Variants in SLC2A13 observed in about 807,000 individuals in gnomAD.
SLC2A13 encodes solute carrier family 2 member 13.
In SLC2A13, 32 loss-of-function variants were observed where a neutral mutation model predicts 64.4. The ratio of observed to expected loss-of-function variants is 0.50; its 90% CI spans 0.37 to 0.67. The LOEUF is 0.67. Among genes scored for constraint, SLC2A13 ranks in the 30% least tolerant of loss-of-function variants. SLC2A13 has a pLI of 0.00. For synonymous variants in SLC2A13, 338 were observed against 327.1 expected, an observed-to-expected ratio of 1.03 and a Z score of -0.36; for missense variants, 743 against 829.2, an observed-to-expected ratio of 0.90 and a Z score of 1.28.
At chr12:39,813,042 A>G (rs1942236161) in intron 7 of SLC2A13, among the ~76,000 whole-genome samples, 5 of 80,606 alleles carry the variant, frequency 6.2e-5, no homozygotes, top group African/African-American at 1.9e-4. Context: ...ATGGGGTTTC[A>G]CCATGTTGGC....
At chr12:39,897,395 T>C (rs1197997885) in intron 4 of SLC2A13, among the ~76,000 whole-genome samples, 1 of 152,142 alleles carries the variant, frequency 6.6e-6, no homozygotes, top group Non-Finnish European at 1.5e-5. Context: ...AATTCCCAAC[T>C]GCCTACCCCA....
chr12:39,865,751 T>C (rs369942820), intron 5 of SLC2A13, among the ~76,000 whole-genome samples: 46 of 152,200 alleles, frequency 3.0e-4, no homozygotes, highest in African/African-American at 1.0e-3. Context: ...CTGGAGGCCA[T>C]GATCTTTAGC....
intron 6 of SLC2A13, among the ~76,000 whole-genome samples, chr12:39,842,342 G>T (rs1943199208): frequency 6.6e-6 from 1 of 151,968 alleles, no homozygotes; most frequent in East Asian, 1.9e-4. Context: ...AGCTTGGAAA[G>T]CTAAGAGACT....
intron 4 of SLC2A13, among the ~76,000 whole-genome samples, chr12:39,948,270 C>G (rs1206694053): frequency 6.6e-6 from 1 of 151,812 alleles, no homozygotes; most frequent in Non-Finnish European, 1.5e-5. Context: ...GTCCTCCATT[C>G]GGTAGGGTAG....
At chr12:40,062,408 A>G (rs1948437079) in intron 1 of SLC2A13, among the ~76,000 whole-genome samples, 1 of 152,084 alleles carries the variant, frequency 6.6e-6, no homozygotes. Context: ...CAAAACCTCA[A>G]AAGATCCATC....
chr12:39,781,427 A>T (rs1213713616), intron 7 of SLC2A13, among the ~76,000 whole-genome samples: 1 of 152,148 alleles, frequency 6.6e-6, no homozygotes. Context: ...CCTCCACGTC[A>T]CCTGCCATTG....
intron 6 of SLC2A13, among the ~76,000 whole-genome samples, chr12:39,853,737 G>A (rs1943530375): frequency 6.6e-6 from 1 of 151,946 alleles, no homozygotes; most frequent in African/African-American, 2.4e-5. Context: ...GAAGTGATCA[G>A]AAGTAAATTT....
intron 3 of SLC2A13, among the ~76,000 whole-genome samples, chr12:39,996,136 C>A (rs1387862291): frequency 6.6e-6 from 1 of 152,294 alleles, no homozygotes; most frequent in East Asian, 1.9e-4. Flanking sequence ...GAAGTGGTCT[C>A]AAATGGAGAT....
intron 7 of SLC2A13, among the ~76,000 whole-genome samples, chr12:39,784,345 C>T (rs556321503): frequency 2.6e-5 from 4 of 152,218 alleles, no homozygotes; most frequent in Non-Finnish European, 4.4e-5. Flanking sequence ...CTACAGTAAC[C>T]AAAACAGCAT....
intron 3 of SLC2A13, among the ~76,000 whole-genome samples, chr12:39,973,569 T>C (rs1262861424): frequency 1.3e-5 from 2 of 152,214 alleles, no homozygotes; most frequent in Non-Finnish European, 2.9e-5. Flanking sequence ...TGCATTGAAA[T>C]ATACAACTGG....
chr12:40,000,349 C>T (rs1229047076), intron 3 of SLC2A13, among the ~76,000 whole-genome samples: 1 of 152,154 alleles, frequency 6.6e-6, no homozygotes, highest in Non-Finnish European at 1.5e-5. Flanking sequence ...CTGTAACAGG[C>T]TATATAATCT....
chr12:39,764,630 A>G lies in SLC2A13; in HGVS notation c.1568-18T>C. On this transcript the variant is annotated intron_variant, in intron 8 of 9. Transcript: ENST00000280871. ...TCCCATTCCTGAGAAATAAAACATT[A>G]AAAACTTTAGTAAAATAGCATGTAA... 1 of 1,581,154 alleles carries G rather than the reference A, an allele frequency of 6.3e-7. No homozygotes were observed.
At chr12:39,900,539 C>T (rs1234070840) in intron 4 of SLC2A13, among the ~76,000 whole-genome samples, 1 of 151,996 alleles carries the variant, frequency 6.6e-6, no homozygotes, top group Non-Finnish European at 1.5e-5. Flanking sequence ...TCTTATACAC[C>T]AATAACAGAC....
chr12:39,773,902 C>G (rs967056204), intron 7 of SLC2A13, among the ~76,000 whole-genome samples: 2 of 152,206 alleles, frequency 1.3e-5, no homozygotes, highest in Non-Finnish European at 2.9e-5. Flanking sequence ...CATCTACCAT[C>G]GTTCTACTGG....
At chr12:39,914,963 A>G (rs1592279799) in intron 4 of SLC2A13, among the ~76,000 whole-genome samples, 1 of 152,092 alleles carries the variant, frequency 6.6e-6, no homozygotes, top group Non-Finnish European at 1.5e-5. Flanking sequence ...AAAGGTCATC[A>G]CAAAGTTAAC....
At chr12:39,955,920 G>A (rs1946307440) in intron 3 of SLC2A13, among the ~76,000 whole-genome samples, 1 of 152,172 alleles carries the variant, frequency 6.6e-6, no homozygotes, top group Non-Finnish European at 1.5e-5. Context: ...CACCACAACT[G>A]TGAGAAAATA....
At chr12:39,992,625 C>T (rs1012524751) in intron 3 of SLC2A13, among the ~76,000 whole-genome samples, 1 of 152,034 alleles carries the variant, frequency 6.6e-6, no homozygotes, top group African/African-American at 2.4e-5. Flanking sequence ...AAAGAGACAT[C>T]ACTTAAGATT....
chr12:39,977,605 T>G (rs1946787570), intron 3 of SLC2A13, among the ~76,000 whole-genome samples: 1 of 152,222 alleles, frequency 6.6e-6, no homozygotes, highest in Non-Finnish European at 1.5e-5. Context: ...CAAAATTATT[T>G]CCTTGATGTT....
chr12:39,835,548 C>A (rs537440918), intron 6 of SLC2A13: 1 of 152,180 alleles, frequency 6.6e-6, no homozygotes, highest in South Asian at 2.1e-4. Flanking sequence ...CTTATTGATA[C>A]ACAGTTTAAA....
Sources: allele counts gnomAD v4.1 joint callset (sites outside exome capture counted in the v4.1 genomes callset), GRCh38; gene constraint gnomAD v4.1.1; transcripts MANE v1.5; gene names NCBI Gene and HGNC (gene_info 2026-07-23, HGNC 2026-07-21).